Variants in TMA16 observed in about 807,000 individuals in gnomAD.
TMA16 encodes translation machinery-associated protein 16.
Under a neutral mutation model 27.1 loss-of-function variants are expected in TMA16, and 26 were observed. That is an observed-to-expected ratio of 0.96 (90% CI 0.70 to 1.33). TMA16 has a LOEUF of 1.33. Ranked by LOEUF, TMA16 falls within the 40% of genes most tolerant of loss-of-function variation. TMA16 has a pLI of 0.00. For missense variants in TMA16, 233 were observed against 241.4 expected (o/e 0.97, Z 0.23); for synonymous variants, 71 against 81.9 (o/e 0.87, Z 0.72).
intron 1 of TMA16, among the ~76,000 whole-genome samples, chr4:163,496,621 G>A (rs1737557000): frequency 6.6e-6 from 1 of 151,646 alleles, no homozygotes; most frequent in Admixed American, 6.6e-5. Flanking sequence ...TTTTGAGACG[G>A]TGTTTTGCTC....
intron 1 of TMA16, among the ~76,000 whole-genome samples, chr4:163,506,607 C>G (rs1219520691): frequency 6.6e-6 from 1 of 152,124 alleles, no homozygotes; most frequent in African/African-American, 2.4e-5. Context: ...TGATTCATTG[C>G]CCGCTTTGTT....
chr4:163,498,640 A>G (rs1737598721), intron 1 of TMA16, among the ~76,000 whole-genome samples: 1 of 152,060 alleles, frequency 6.6e-6, no homozygotes, highest in Non-Finnish European at 1.5e-5. Context: ...CTTGATGGGT[A>G]CTATCTTTAT....
chr4:163,512,024 T>C (rs1001181822), intron 2 of TMA16, among the ~76,000 whole-genome samples: 1 of 152,112 alleles, frequency 6.6e-6, no homozygotes, highest in Non-Finnish European at 1.5e-5. Flanking sequence ...TTTTTTTTTT[T>C]TTAATCCTGA....
chr4:163,517,561 A>C, intron 6 of TMA16, 85 bp downstream of exon 6: 2 of 1,235,258 alleles, frequency 1.6e-6, no homozygotes, highest in East Asian at 5.0e-5. Context: ...TCTAGCCGGT[A>C]GAACTAAAAG....
Position 163,496,362 on chromosome 4 carries a change from T to C in TMA16, c.3+1558T>C, listed in dbSNP as rs143445098. 4.1e-3 allele frequency among the ~76,000 whole-genome samples: 620 copies of C among 152,342 alleles called. 4 individuals carry two copies. The highest frequency in any genetic ancestry group is 5.8e-3 in the Non-Finnish European group (397 of 68,034). On this transcript the variant is annotated intron_variant, in intron 1 of 6. Transcript: ENST00000358572. ...AGTCTAGTGCCTGGCACTTAGTAAA[T>C]GTTATTGTTATTAACTTTAGTTATA...
chr4:163,498,395 C>T (rs2110787547), intron 1 of TMA16, among the ~76,000 whole-genome samples: 1 of 150,004 alleles, frequency 6.7e-6, no homozygotes, highest in East Asian at 2.0e-4. Flanking sequence ...TCACGCCATT[C>T]TCCTGCCTCA....
At chr4:163,515,176 T>A in intron 4 of TMA16, 137 bp from the exon 5 acceptor site, 1 of 837,224 alleles carries the variant, frequency 1.2e-6, no homozygotes. Context: ...GTAAAAGAGG[T>A]TTGAGGACCT....
chr4:163,507,392 A>T (rs907229018), intron 2 of TMA16, among the ~76,000 whole-genome samples: 1 of 152,116 alleles, frequency 6.6e-6, no homozygotes, highest in African/African-American at 2.4e-5. Context: ...TGGGATGGAC[A>T]GTGAGGGAGA....
At chr4:163,514,546 G>C (rs9993988) in intron 4 of TMA16, among the ~76,000 whole-genome samples, 98,566 of 152,058 alleles carry the variant, frequency 0.65, 32,614 homozygotes, top group African/African-American at 0.76. Flanking sequence ...AAAATAAGTT[G>C]AAGGAGGGAA....
At chr4:163,499,517 C>T (rs1737614299) in intron 1 of TMA16, among the ~76,000 whole-genome samples, 1 of 151,996 alleles carries the variant, frequency 6.6e-6, no homozygotes, top group Non-Finnish European at 1.5e-5. Context: ...GATTCCTATG[C>T]TTTTTATAGT....
chr4:163,499,553 G>A (rs1737614920), intron 1 of TMA16, among the ~76,000 whole-genome samples: 1 of 152,058 alleles, frequency 6.6e-6, no homozygotes, highest in Non-Finnish European at 1.5e-5. Context: ...AGGGATATTA[G>A]TTGAGGACAC....
chr4:163,511,462 T>G (rs1160730999), intron 2 of TMA16, among the ~76,000 whole-genome samples: 2 of 152,088 alleles, frequency 1.3e-5, no homozygotes, highest in Non-Finnish European at 2.9e-5. Flanking sequence ...TACAAGTCCT[T>G]TGTTATTTGT....
At chr4:163,513,411 A>G (rs1338987914) in intron 3 of TMA16, among the ~76,000 whole-genome samples, 1 of 152,154 alleles carries the variant, frequency 6.6e-6, no homozygotes, top group Admixed American at 6.5e-5. Flanking sequence ...ATGGGATCTC[A>G]TTGTACAGGG....
chr4:163,504,031 G>A (rs1406884915), intron 1 of TMA16, among the ~76,000 whole-genome samples: 1 of 152,092 alleles, frequency 6.6e-6, no homozygotes, highest in Non-Finnish European at 1.5e-5. Flanking sequence ...AAAGCTATGA[G>A]GACGTTTTTA....
intron 5 of TMA16, among the ~76,000 whole-genome samples, chr4:163,516,271 T>C (rs1464915982): frequency 6.6e-6 from 1 of 152,208 alleles, no homozygotes; most frequent in Non-Finnish European, 1.5e-5. Flanking sequence ...TCTGATGAGT[T>C]TGCAGGTGTC....
chr4:163,508,449 G>A (rs1330085842), intron 2 of TMA16, among the ~76,000 whole-genome samples: 1 of 152,054 alleles, frequency 6.6e-6, no homozygotes, highest in Non-Finnish European at 1.5e-5. Flanking sequence ...TTTTTAAAAA[G>A]GAGATATTTT....
intron 1 of TMA16, among the ~76,000 whole-genome samples, chr4:163,497,331 C>T (rs1366636038): frequency 6.6e-6 from 1 of 152,156 alleles, no homozygotes; most frequent in Non-Finnish European, 1.5e-5. Context: ...CTTTTTGAGA[C>T]AATATTACTT....
intron 2 of TMA16, among the ~76,000 whole-genome samples, chr4:163,511,169 C>A (rs1242392847): frequency 6.6e-6 from 1 of 151,994 alleles, no homozygotes. Context: ...TTTACATTTT[C>A]ACCACCAGAG....
At chr4:163,510,407 G>A (rs4691925) in intron 2 of TMA16, among the ~76,000 whole-genome samples, 65,038 of 151,952 alleles carry the variant, frequency 0.43, 14,673 homozygotes, top group Admixed American at 0.55. Context: ...CCCTAGCCTC[G>A]GGCAGCCACT....
Sources: allele counts gnomAD v4.1 joint callset (sites outside exome capture counted in the v4.1 genomes callset), GRCh38; gene constraint gnomAD v4.1.1; transcripts MANE v1.5; gene names NCBI Gene and HGNC (gene_info 2026-07-23, HGNC 2026-07-21).